Variants in CAVIN1 observed in about 807,000 individuals in gnomAD.
CAVIN1 encodes the protein caveolae-associated protein 1.
A neutral mutation model predicts 24.0 loss-of-function variants in CAVIN1; 16 were observed. The ratio of observed to expected loss-of-function variants is 0.67; its 90% CI spans 0.45 to 1.01. The LOEUF is 1.01. Ranked by LOEUF, CAVIN1 falls within the 50% of genes least tolerant of loss-of-function variation. CAVIN1 has a pLI of 0.00. For synonymous variants in CAVIN1, 256 were observed against 256.4 expected, an observed-to-expected ratio of 1.00 and a Z score of 0.02; for missense variants, 510 against 551.7, an observed-to-expected ratio of 0.92 and a Z score of 0.76.
At chr17:42,414,006 T>C (rs2085497349) in intron 1 of CAVIN1, among the ~76,000 whole-genome samples, 1 of 152,140 alleles carries the variant, frequency 6.6e-6, no homozygotes, top group Non-Finnish European at 1.5e-5. Flanking sequence ...CAAGTGATTC[T>C]CCTGCCTCAG....
In CAVIN1 at chr17:42,403,495, T is replaced by C. The variant is rs1454075774; in HGVS notation, c.*1192A>G. 1 of 152,904 alleles carries C rather than the reference T, an allele frequency of 6.5e-6. No homozygotes were observed. The highest frequency in any genetic ancestry group is 6.5e-5 in the Admixed American group (1 of 15,276). The allele number at this position is 152,904 out of a possible 1,614,324, so 9.5% of individuals were successfully genotyped here. On this transcript the variant is annotated 3_prime_UTR_variant, in exon 2 of 2. Coordinates refer to ENST00000357037, the MANE Select transcript of CAVIN1 (RefSeq NM_012232.6). ...TCTCTGTCTTCTTTGGATCATCGCC[T>C]TCTCACACTGTCCTCCCTCTTGATT...
At chr17:42,407,400 C>T (rs1334298895) in intron 1 of CAVIN1, among the ~76,000 whole-genome samples, 1 of 151,940 alleles carries the variant, frequency 6.6e-6, no homozygotes. Context: ...ACACACACAC[C>T]CCTATACATA....
intron 1 of CAVIN1, among the ~76,000 whole-genome samples, chr17:42,416,865 G>A (rs945350664): frequency 2.0e-5 from 3 of 152,086 alleles, no homozygotes; most frequent in African/African-American, 7.2e-5. Context: ...CCTAATTTGC[G>A]TTGAATCCAG....
chr17:42,413,565 G>GAAAAAAAAAA (rs2085493446), intron 1 of CAVIN1, among the ~76,000 whole-genome samples: 1 of 62,596 alleles, frequency 1.6e-5, no homozygotes, highest in African/African-American at 5.8e-5. Flanking sequence ...TCTCAAAAAG[G>GAAAAAAAAAA]GAAAAAAAAA....
At chr17:42,422,581 G>C in intron 1 of CAVIN1, 46 bp downstream of exon 1, 1 of 1,471,134 alleles carries the variant, frequency 6.8e-7, no homozygotes, top group South Asian at 1.2e-5. Context: ...CAGGGGACGC[G>C]GGCCGGGCGC....
intron 1 of CAVIN1, among the ~76,000 whole-genome samples, chr17:42,408,063 T>C (rs2145474827): frequency 6.6e-6 from 1 of 152,162 alleles, no homozygotes; most frequent in Non-Finnish European, 1.5e-5. Flanking sequence ...CTTTCCTTCA[T>C]AACCTCCCAG....
At chr17:42,411,191 T>TTAAAAAAAAAAAA (rs1567778349) in intron 1 of CAVIN1, among the ~76,000 whole-genome samples, 1 of 5,400 alleles carries the variant, frequency 1.9e-4, no homozygotes, top group African/African-American at 2.8e-4. Context: ...GGACTATGTC[T>TTAAAAAAAAAAAA]CAAAAAAAAA....
At chr17:42,419,306 T>C (rs1030656988) in intron 1 of CAVIN1, among the ~76,000 whole-genome samples, 12 of 86,932 alleles carry the variant, frequency 1.4e-4, no homozygotes, top group Non-Finnish European at 2.3e-4. Context: ...TTTATTGTTG[T>C]TATTATTATT....
intron 1 of CAVIN1, among the ~76,000 whole-genome samples, chr17:42,406,204 A>C (rs970417578): frequency 6.6e-6 from 1 of 152,114 alleles, no homozygotes; most frequent in Non-Finnish European, 1.5e-5. Context: ...CACTTTGGAA[A>C]TGGGCGGAGC....
chr17:42,417,476 A>T (rs2085519061), intron 1 of CAVIN1, among the ~76,000 whole-genome samples: 1 of 150,046 alleles, frequency 6.7e-6, no homozygotes, highest in African/African-American at 2.5e-5. Flanking sequence ...AAAAAAAAAG[A>T]TTGTAGTGGA....
At chr17:42,411,117 G>A (rs907893137) in intron 1 of CAVIN1, among the ~76,000 whole-genome samples, 8 of 145,192 alleles carry the variant, frequency 5.5e-5, no homozygotes, top group Admixed American at 1.4e-4. Flanking sequence ...CACTTGAACC[G>A]AGGAGGTGGA....
intron 1 of CAVIN1, among the ~76,000 whole-genome samples, chr17:42,421,378 C>T (rs1475642534): frequency 6.6e-6 from 1 of 152,148 alleles, no homozygotes; most frequent in Non-Finnish European, 1.5e-5. Context: ...AAGGGGTCTT[C>T]TAACTTGGAG....
chr17:42,423,239 G>T lies in CAVIN1; in HGVS notation c.-142C>A. ...AACTCGAGCCACGTCCGTGCGCACC[G>T]GGACAGCGGCCAGAACTGCTGGGCG... On this transcript the variant is annotated 5_prime_UTR_variant, in exon 1 of 2. Coordinates refer to ENST00000357037, the MANE Select transcript of CAVIN1 (RefSeq NM_012232.6). 1.4e-6 allele frequency: 1 copy of T among 690,696 alleles called. No homozygotes were observed. Among genetic ancestry groups the T allele is most frequent in the South Asian group, 1.9e-5 (1 of 51,780 alleles). 42.8% of individuals were successfully genotyped at this position (690,696 alleles called of 1,614,324 possible).
intron 1 of CAVIN1, 52 bp downstream of exon 1, chr17:42,422,575 G>T: frequency 2.1e-6 from 3 of 1,444,716 alleles, no homozygotes; most frequent in Non-Finnish European, 2.8e-6. Flanking sequence ...CCCAGGCAGG[G>T]GACGCGGGCC....
At chr17:42,416,047 G>C (rs2085509801) in intron 1 of CAVIN1, among the ~76,000 whole-genome samples, 1 of 152,172 alleles carries the variant, frequency 6.6e-6, no homozygotes, top group Non-Finnish European at 1.5e-5. Context: ...TTCGAGACCA[G>C]CCTAAGCAAC....
chr17:42,418,477 C>A (rs1433394094), intron 1 of CAVIN1, among the ~76,000 whole-genome samples: 1 of 151,864 alleles, frequency 6.6e-6, no homozygotes, highest in Admixed American at 6.6e-5. Context: ...GTGATCCGCC[C>A]GCCTCAGCCT....
intron 1 of CAVIN1, among the ~76,000 whole-genome samples, chr17:42,415,897 G>T (rs1238849298): frequency 6.6e-6 from 1 of 151,988 alleles, no homozygotes; most frequent in Non-Finnish European, 1.5e-5. Flanking sequence ...GCTATCAGTT[G>T]CCCACTCTTT....
chr17:42,408,547 A>G (rs2085458719), intron 1 of CAVIN1, among the ~76,000 whole-genome samples: 1 of 152,080 alleles, frequency 6.6e-6, no homozygotes, highest in Non-Finnish European at 1.5e-5. Context: ...GCTGGAGTGC[A>G]ATGACACGAT....
At chr17:42,406,823 G>T (rs1038602555) in intron 1 of CAVIN1, among the ~76,000 whole-genome samples, 1 of 151,864 alleles carries the variant, frequency 6.6e-6, no homozygotes, top group African/African-American at 2.4e-5. Flanking sequence ...ATTGGAAAGA[G>T]GAAGAAGCTG....
Sources: gnomAD v4.1 joint callset for allele counts (sites outside exome capture counted in the v4.1 genomes callset) on GRCh38, gnomAD v4.1.1 for gene constraint, MANE v1.5 for transcripts, NCBI Gene and HGNC (gene_info 2026-07-23, HGNC 2026-07-21) for gene names.